The following GALNT13 variants were observed in gnomAD, a reference collection of about 807,000 sequenced individuals.
GALNT13 encodes polypeptide N-acetylgalactosaminyltransferase 13.
A neutral mutation model predicts 64.2 loss-of-function variants in GALNT13; 28 were observed. The ratio of observed to expected loss-of-function variants is 0.44; its 90% confidence interval spans 0.32 to 0.60. GALNT13 has a LOEUF of 0.60. Ranked by LOEUF, GALNT13 falls within the 20% of genes least tolerant of loss-of-function variation. The pLI is 0.05. For synonymous variants in GALNT13, 214 were observed against 224.6 expected, an observed-to-expected ratio of 0.95 and a Z score of 0.42; for missense variants, 577 against 669.8, an observed-to-expected ratio of 0.86 and a Z score of 1.53.
chr2:153,852,519 G>A, the GALNT13 span, among the ~76,000 whole-genome samples: 3 of 152,256 alleles, frequency 2.0e-5, no homozygotes, highest in African/African-American at 4.8e-5. Context: ...AAGCAAAAAT[G>A]TATAGAACTA....
chr2:153,577,226 T>A, the GALNT13 span, among the ~76,000 whole-genome samples: 34 of 152,312 alleles, frequency 2.2e-4, no homozygotes, highest in African/African-American at 7.5e-4. Context: ...TTACCTTTCT[T>A]ATTGATATAT....
At chr2:153,410,907 G>A in the GALNT13 span, among the ~76,000 whole-genome samples, 52 of 151,320 alleles carry the variant, frequency 3.4e-4, no homozygotes, top group African/African-American at 1.1e-3. Context: ...GAGAGAGAGA[G>A]GAGAGAGAGT....
chr2:153,073,462 TCTTTAA>T, the GALNT13 span, among the ~76,000 whole-genome samples: 5 of 151,770 alleles, frequency 3.3e-5, no homozygotes, highest in Non-Finnish European at 7.4e-5. Flanking sequence ...TTTTTTTTCT[TCTTTAA>T]CTTGTTAAAA....
intron 8 of GALNT13, among the ~76,000 whole-genome samples, chr2:154,266,160 A>G (rs180752496): frequency 6.6e-6 from 1 of 152,110 alleles, no homozygotes; most frequent in African/African-American, 2.4e-5. Flanking sequence ...GAGCAAAAAA[A>G]CCTACACATA....
intron 9 of GALNT13, among the ~76,000 whole-genome samples, chr2:154,381,726 T>G (rs1698283222): frequency 6.6e-6 from 1 of 152,152 alleles, no homozygotes. Flanking sequence ...CCTCAGGTTA[T>G]TCATGTGTGA....
the GALNT13 span, among the ~76,000 whole-genome samples, chr2:153,321,058 A>T: frequency 6.6e-6 from 1 of 152,190 alleles, no homozygotes; most frequent in Non-Finnish European, 1.5e-5. Context: ...TTGAGTGAGA[A>T]CAGGATATAA....
At chr2:153,718,228 C>T in the GALNT13 span, among the ~76,000 whole-genome samples, 8 of 151,916 alleles carry the variant, frequency 5.3e-5, no homozygotes, top group South Asian at 1.0e-3. Context: ...ATAAGAGAGA[C>T]GAAACTGTTT....
At chr2:154,086,988 A>C (rs1024025172) in intron 3 of GALNT13, among the ~76,000 whole-genome samples, 3 of 152,058 alleles carry the variant, frequency 2.0e-5, no homozygotes, top group Non-Finnish European at 4.4e-5. Context: ...TATTGTATCG[A>C]GTGTTTGCAA....
At chr2:153,725,586 G>A in the GALNT13 span, among the ~76,000 whole-genome samples, 1 of 151,924 alleles carries the variant, frequency 6.6e-6, no homozygotes, top group Non-Finnish European at 1.5e-5. Flanking sequence ...TAAATGGATA[G>A]GGAATAGCTG....
chr2:153,564,115 G>C, the GALNT13 span, among the ~76,000 whole-genome samples: 1 of 152,042 alleles, frequency 6.6e-6, no homozygotes, highest in Non-Finnish European at 1.5e-5. Flanking sequence ...GTGGTGGAAT[G>C]ACACCACCAA....
At chr2:153,236,291 G>A in the GALNT13 span, among the ~76,000 whole-genome samples, 1 of 152,138 alleles carries the variant, frequency 6.6e-6, no homozygotes, top group Admixed American at 6.5e-5. Flanking sequence ...AGATCCAGAA[G>A]ATCTAGCTAA....
chr2:154,256,937 T>C (rs1419952811), intron 7 of GALNT13, among the ~76,000 whole-genome samples: 1 of 152,182 alleles, frequency 6.6e-6, no homozygotes, highest in African/African-American at 2.4e-5. Context: ...CATGGGCATA[T>C]GTAAATATTT....
At chr2:154,031,338 G>A (rs746606167) in intron 3 of GALNT13, among the ~76,000 whole-genome samples, 23 of 151,044 alleles carry the variant, frequency 1.5e-4, no homozygotes, top group Non-Finnish European at 3.1e-4. Flanking sequence ...GAGAAGAAGA[G>A]GAAAAAAATA....
rs535477881 is a variant in GALNT13 at position 154,443,662 on chromosome 2, G to T, written c.1530+4936G>T. 5.3e-5 allele frequency among the ~76,000 whole-genome samples: 8 copies of T among 151,820 alleles called. No homozygotes were observed. In the East Asian group the frequency reaches 9.7e-4, roughly 18 times the overall value. ...TATGGCCTAATTTTACAATATTAAT[G>T]GCTCTTATTTTGTCACCAAAATTGT... On this transcript the variant is annotated intron_variant, in intron 12 of 12. Coordinates refer to ENST00000392825, the MANE Select transcript of GALNT13 (RefSeq NM_052917.4).
the GALNT13 span, among the ~76,000 whole-genome samples, chr2:153,412,845 G>T: frequency 6.6e-6 from 1 of 152,162 alleles, no homozygotes; most frequent in Non-Finnish European, 1.5e-5. Context: ...GCACTCAGAT[G>T]GGTTGGAGAT....
chr2:154,039,865 A>G lies in GALNT13; in HGVS notation c.142+95226A>G, dbSNP rs1457946995. 1.4e-5 allele frequency among the ~76,000 whole-genome samples: 2 copies of G among 140,444 alleles called. 1 individual carries two copies. The highest frequency in any genetic ancestry group is 3.3e-5 in the Non-Finnish European group (2 of 61,128). The allele number at this position is 140,444 out of a possible 152,430, so 92.1% of individuals were successfully genotyped here. ...TTACACATTGTATACATGTATAGGG[A>G]TATTGTATGCTCCATATATATGTAC... is the stretch of plus-strand genomic sequence containing the variant. On this transcript the variant is annotated intron_variant, in intron 3 of 12. Coordinates refer to ENST00000392825, the MANE Select transcript of GALNT13 (RefSeq NM_052917.4).
chr2:154,133,002 A>G (rs1682714027), intron 3 of GALNT13, among the ~76,000 whole-genome samples: 1 of 152,180 alleles, frequency 6.6e-6, no homozygotes, highest in Non-Finnish European at 1.5e-5. Flanking sequence ...ACAAGCTATG[A>G]TTCACTTGCT....
chr2:153,070,828 G>A, the GALNT13 span, among the ~76,000 whole-genome samples: 1 of 152,102 alleles, frequency 6.6e-6, no homozygotes. Flanking sequence ...AATCGCCTTT[G>A]TTAGTTCCCC....
the GALNT13 span, among the ~76,000 whole-genome samples, chr2:153,372,926 A>G: frequency 6.6e-6 from 1 of 152,170 alleles, no homozygotes; most frequent in Non-Finnish European, 1.5e-5. Context: ...ATTTATGGAC[A>G]TCGTTCATTG....
Sources: allele counts gnomAD v4.1 joint callset (sites outside exome capture counted in the v4.1 genomes callset), GRCh38; gene constraint gnomAD v4.1.1; transcripts MANE v1.5; gene names NCBI Gene and HGNC (gene_info 2026-07-23, HGNC 2026-07-21).